Variants in JAM3 observed in about 807,000 individuals in gnomAD.
JAM3 encodes the protein junctional adhesion molecule 3, also known as junctional adhesion molecule C.
Under a neutral mutation model 39.4 loss-of-function variants are expected in JAM3, and 31 were observed. The observed-to-expected ratio is 0.79, with a 90% CI of 0.59 to 1.06. The LOEUF is 1.06. Ranked by LOEUF, JAM3 falls within the 50% of genes least tolerant of loss-of-function variation. JAM3 has a pLI of 0.00. For missense variants in JAM3, 455 were observed against 391.4 expected, an observed-to-expected ratio of 1.16 and a Z score of -1.37; for synonymous variants, 182 against 148.7, an observed-to-expected ratio of 1.22 and a Z score of -1.63.
chr11:134,144,778 C>T lies in JAM3; in HGVS notation c.410-14C>T, dbSNP rs1480311549. The T allele has an allele frequency of 2.5e-6, 4 of 1,610,914 alleles. No individual in the cohort carries two copies. Among genetic ancestry groups the T allele is most frequent in the Non-Finnish European group, 2.5e-6 (3 of 1,177,476 alleles). ...GTCACTGAGATCTTAAACACCACCC[C>T]TTTTTCCCCACAGTGAAGCCAGTGA... On this transcript the variant is annotated splice_polypyrimidine_tract_variant and intron_variant, in intron 4 of 8. Transcript: ENST00000299106.
At chr11:134,136,779 G>C (rs978369798) in intron 1 of JAM3, among the ~76,000 whole-genome samples, 3 of 152,208 alleles carry the variant, frequency 2.0e-5, no homozygotes, top group African/African-American at 7.2e-5. Context: ...ACTTACCTAG[G>C]ATAGTTGAAC....
At chr11:134,100,533 T>C (rs985748085) in intron 1 of JAM3, among the ~76,000 whole-genome samples, 2 of 152,212 alleles carry the variant, frequency 1.3e-5, no homozygotes, top group African/African-American at 4.8e-5. Flanking sequence ...ACTGTATTTA[T>C]ATATCTGAGT....
intron 1 of JAM3, among the ~76,000 whole-genome samples, chr11:134,133,955 C>G (rs1305261731): frequency 6.6e-6 from 1 of 151,984 alleles, no homozygotes; most frequent in Non-Finnish European, 1.5e-5. Flanking sequence ...TCAGACTGGG[C>G]ATTTAAAACA....
At chr11:134,124,322 G>A (rs751453788) in intron 1 of JAM3, 47 of 776,584 alleles carry the variant, frequency 6.1e-5, no homozygotes, top group South Asian at 8.5e-5. Flanking sequence ...GGGCTGGACG[G>A]TTCATTATGG....
intron 1 of JAM3, among the ~76,000 whole-genome samples, chr11:134,125,076 C>T (rs1942619448): frequency 6.6e-6 from 1 of 152,316 alleles, no homozygotes; most frequent in East Asian, 1.9e-4. Flanking sequence ...CCTGCAGCCG[C>T]CGCTGCCCTG....
At chr11:134,129,735 C>T (rs1228437564) in intron 1 of JAM3, among the ~76,000 whole-genome samples, 2 of 152,200 alleles carry the variant, frequency 1.3e-5, no homozygotes, top group Admixed American at 1.3e-4. Flanking sequence ...GGCGTGATGG[C>T]TTACGCCTGT....
At chr11:134,140,262 C>T (rs917930897) in intron 2 of JAM3, among the ~76,000 whole-genome samples, 58 of 152,190 alleles carry the variant, frequency 3.8e-4, no homozygotes, top group Admixed American at 3.7e-3. Flanking sequence ...GCTGGGATTA[C>T]AGGCACCCGC....
At chr11:134,084,407 A>T (rs1014458926) in intron 1 of JAM3, among the ~76,000 whole-genome samples, 1 of 152,234 alleles carries the variant, frequency 6.6e-6, no homozygotes, top group African/African-American at 2.4e-5. Flanking sequence ...GTAATAGCGT[A>T]AAGTAGCTTT....
At position 134,150,955 on chromosome 11, in the gene JAM3, C is replaced by A. The variant is rs918613149; in HGVS notation, c.*1774C>A. 2 of 152,194 alleles carry A rather than the reference C, an allele frequency of 1.3e-5. No individual in the cohort carries two copies. The highest frequency in any genetic ancestry group is 2.9e-5 in the Non-Finnish European group (2 of 68,044). The allele number at this position is 152,194 out of a possible 1,614,324, so 9.4% of individuals were successfully genotyped here. The stretch of plus-strand genomic sequence containing the variant: ...TTTTGACTTTAAATTTTTCATCCGC[C>A]GGAGACACTGCTCCCATTTGTGGGG... On this transcript the variant is annotated 3_prime_UTR_variant, in exon 9 of 9. Coordinates refer to ENST00000299106, the MANE Select transcript of JAM3 (RefSeq NM_032801.5).
chr11:134,122,909 C>A (rs75269604), intron 1 of JAM3, among the ~76,000 whole-genome samples: 2,039 of 152,306 alleles, frequency 0.013, 19 homozygotes, highest in Non-Finnish European at 0.019. Flanking sequence ...ACTGCCTGGA[C>A]ATCTTTGTTG....
At chr11:134,134,398 C>CAAAAAAAAAAAAAAAAAAAAAAAAACA (rs34729848) in intron 1 of JAM3, among the ~76,000 whole-genome samples, 1 of 31,922 alleles carries the variant, frequency 3.1e-5, no homozygotes, top group Non-Finnish European at 5.5e-5. Context: ...GGATAAATGC[C>CAAAAAAAAAAAAAAAAAAAAAAAAACA]AAAAAAAAAA....
intron 1 of JAM3, among the ~76,000 whole-genome samples, chr11:134,076,147 C>CT (rs1162193853): frequency 1.7e-4 from 19 of 110,528 alleles, no homozygotes; most frequent in African/African-American, 6.6e-4. Flanking sequence ...CTTTTCTTTT[C>CT]TTTCTTTTTT....
chr11:134,076,942 C>G (rs11223683), intron 1 of JAM3, among the ~76,000 whole-genome samples: 10,146 of 147,176 alleles, frequency 0.069, 377 homozygotes, highest in African/African-American at 0.088. Flanking sequence ...TCAAGCGATT[C>G]TTCTACCTCA....
chr11:134,086,032 G>A (rs552350899), intron 1 of JAM3, among the ~76,000 whole-genome samples: 1 of 152,248 alleles, frequency 6.6e-6, no homozygotes, highest in South Asian at 2.1e-4. Flanking sequence ...CTGATACTTT[G>A]TAGTTTTGAG....
In JAM3 at chr11:134,082,954, T is replaced by A. The variant is rs186416708; in HGVS notation, c.76+13795T>A. On this transcript the variant is annotated intron_variant, in intron 1 of 8. Coordinates refer to ENST00000299106, the MANE Select transcript of JAM3 (RefSeq NM_032801.5). ...GGTATGCAAAAGCATTATGTTATTC[T>A]CTTATTTATTCTTTTCATGAAGTCT... 3.9e-5 allele frequency among the ~76,000 whole-genome samples: 6 copies of A among 152,326 alleles called. No homozygotes were observed. The East Asian group carries it at 1.2e-3, about 29-fold the overall frequency.
chr11:134,143,996 C>T (rs747460656), intron 3 of JAM3, among the ~76,000 whole-genome samples: 21 of 152,028 alleles, frequency 1.4e-4, no homozygotes, highest in Non-Finnish European at 2.2e-4. Context: ...GTTTTAATGA[C>T]GGAGACACAT....
intron 1 of JAM3, among the ~76,000 whole-genome samples, chr11:134,132,123 C>T (rs1476916875): frequency 6.6e-6 from 1 of 152,184 alleles, no homozygotes; most frequent in African/African-American, 2.4e-5. Flanking sequence ...ACCAAAGAGA[C>T]TCACACTGAG....
At chr11:134,083,210 A>G (rs1211771815) in intron 1 of JAM3, among the ~76,000 whole-genome samples, 4 of 152,240 alleles carry the variant, frequency 2.6e-5, no homozygotes, top group African/African-American at 7.2e-5. Flanking sequence ...GCATATGAAA[A>G]ATAGGACAAA....
At chr11:134,139,686 A>T in intron 1 of JAM3, 165 bp from the exon 2 acceptor site, 1 of 655,170 alleles carries the variant, frequency 1.5e-6, no homozygotes. Flanking sequence ...TTGAGAGAGA[A>T]AGCAGTTAAC....
Sources: gnomAD v4.1 joint callset for allele counts (sites outside exome capture counted in the v4.1 genomes callset) on GRCh38, gnomAD v4.1.1 for gene constraint, MANE v1.5 for transcripts, NCBI Gene and HGNC (gene_info 2026-07-23, HGNC 2026-07-21) for gene names.